FBXL18: variants seen among roughly 807,000 people sequenced by gnomAD.
FBXL18 encodes the protein F-box and leucine rich repeat protein 18, also known as F-box/LRR-repeat protein 18.
FBXL18 carries 36 observed loss-of-function variants against 46.0 expected under a neutral mutation model. The observed-to-expected ratio is 0.78, with a 90% CI of 0.60 to 1.03. The LOEUF (loss-of-function observed/expected upper bound fraction) is 1.03, where lower values mean the gene tolerates loss of function less well. Among genes scored for constraint, FBXL18 ranks in the 50% least tolerant of loss-of-function variants. FBXL18 has a pLI of 0.00. For synonymous variants in FBXL18, 557 were observed against 465.3 expected, an observed-to-expected ratio of 1.20 and a Z score of -2.54; for missense variants, 977 against 1,004.1, an observed-to-expected ratio of 0.97 and a Z score of 0.36.
intron 4 of FBXL18, among the ~76,000 whole-genome samples, chr7:5,490,468 C>T (rs1584216266): frequency 6.6e-6 from 1 of 152,184 alleles, no homozygotes; most frequent in South Asian, 2.1e-4. Flanking sequence ...TGCCCTGTCA[C>T]GAGGGGAAGC....
At chr7:5,465,373 G>T (rs1783326956) in intron 4 of FBXL18, among the ~76,000 whole-genome samples, 1 of 151,888 alleles carries the variant, frequency 6.6e-6, no homozygotes, top group African/African-American at 2.4e-5. Flanking sequence ...GGTAATTTTT[G>T]TATGTTTAGT....
Position 5,500,964 on chromosome 7 carries a change from C to G in FBXL18, c.1305G>C (p.Ala435=), listed in dbSNP as rs779543541. Residue 435 remains alanine, a synonymous_variant, in exon 3 of 5, where the codon GCG becomes GCC. Transcript: ENST00000382368. ...CTGCGTGCATGGCCGGCTGGGCGGG[C>G]GCGCGGTCGGCGCGCGGCGCGGAGT... ...VADSAPRADR[A]PAQPAMHAVP... is the part of the protein sequence containing the mutation. 6.5e-7 allele frequency: 1 copy of G among 1,534,912 alleles called. No homozygotes were observed. The highest frequency in any genetic ancestry group is 2.2e-5 in the Admixed American group (1 of 45,780).
intron 1 of FBXL18, among the ~76,000 whole-genome samples, chr7:5,511,742 TG>T (rs1486744648): frequency 6.7e-6 from 1 of 148,182 alleles, no homozygotes; most frequent in Non-Finnish European, 1.5e-5. Context: ...CACTCCAACC[TG>T]GGCGACAGAG....
At position 5,504,021 on chromosome 7, in the gene FBXL18, C is replaced by G. The variant is rs971403179; in HGVS notation, c.237+1391G>C. On this transcript the variant is annotated intron_variant, in intron 2 of 4. Transcript: ENST00000382368. Reference sequence around the variant, plus strand: ...ACCGAGAGGCACTGGCTAGAGGCGCCGAGCCCTTCCTCTGCAGAGAACAAA... The same window carrying G: ...ACCGAGAGGCACTGGCTAGAGGCGCGGAGCCCTTCCTCTGCAGAGAACAAA... Among the ~76,000 whole-genome samples, 3 of 151,352 alleles carry G rather than the reference C, an allele frequency of 2.0e-5. 1 individual carries two copies. Among genetic ancestry groups the G allele is most frequent in the South Asian group, 4.2e-4 (2 of 4,750 alleles).
Position 5,501,016 on chromosome 7 carries a change from A to T in FBXL18, c.1253T>A (p.Leu418His). Residue 418 changes from leucine (L) to histidine (H), a missense_variant, in exon 3 of 5, where the codon CTC (leucine) becomes CAC (histidine). Leu to His is a moderately conservative substitution (Grantham distance 99). Transcript: ENST00000382368. The stretch of plus-strand genomic sequence containing the variant: ...AGCGACAGAGCAGACAGGCAGGGAG[A>T]GGGAGCGCAGGTGACGCAGCCGGGC... ...LLARLRHLRS[L>H]SLPVCSVADS... is the part of the protein sequence containing the mutation. 2 of 1,597,016 alleles carry T rather than the reference A, an allele frequency of 1.3e-6. No homozygotes were observed. The highest frequency in any genetic ancestry group is 1.7e-6 in the Non-Finnish European group (2 of 1,174,376).
At chr7:5,462,970 ATATATATATATATAT>A (rs1783275902) in intron 4 of FBXL18, among the ~76,000 whole-genome samples, 1 of 13,826 alleles carries the variant, frequency 7.2e-5, no homozygotes, top group African/African-American at 1.8e-4. Context: ...AAAAAAAAAA[ATATATATATATATAT>A]ATATATATAT....
At chr7:5,486,702 C>G (rs183068350) in intron 4 of FBXL18, among the ~76,000 whole-genome samples, 31 of 152,242 alleles carry the variant, frequency 2.0e-4, no homozygotes, top group Non-Finnish European at 3.7e-4. Context: ...GATACCCAGT[C>G]GTGTGTGAAG....
chr7:5,463,728 A>ATTTTTTTTTTTTTTTT lies in FBXL18; in HGVS notation c.2001-15901_2001-15886dup, dbSNP rs552002078. Among the ~76,000 whole-genome samples the ATTTTTTTTTTTTTTTT allele has an allele frequency of 8.9e-4, 47 of 53,012 alleles. 2 individuals carry two copies. The highest frequency in any genetic ancestry group is 1.4e-3 in the Admixed American group (5 of 3,464). The allele number at this position is 53,012 out of a possible 152,430, so 34.8% of individuals were successfully genotyped here. On this transcript the variant is annotated intron_variant and NMD_transcript_variant, in intron 4 of 6. Coordinates refer to the FBXL18 transcript ENST00000415009. Reference sequence around the variant, plus strand: ...TATTTATTTATTTATTTATTTATTTATTTTTTTTTTTTTTTTTTTTTTTTT... The same window carrying ATTTTTTTTTTTTTTTT: ...TATTTATTTATTTATTTATTTATTTATTTTTTTTTTTTTTTTTTTTTTTTTTTTTTTTTTTTTTTTT...
At chr7:5,482,026 C>T in intron 4 of FBXL18, 95 bp from the exon 5 acceptor site, 1 of 1,447,288 alleles carries the variant, frequency 6.9e-7, no homozygotes, top group Non-Finnish European at 9.3e-7. Flanking sequence ...CACCTGCCTC[C>T]CCGTCCCGGG....
chr7:5,463,004 T>TAC lies in FBXL18; in HGVS notation c.2001-15163_2001-15162dup, dbSNP rs1554316071. Reference sequence around the variant, plus strand: ...TATATATATATATATATAATATATATACACACACACATGCATAAATGACCA... The same window carrying TAC: ...TATATATATATATATATAATATATATACACACACACACATGCATAAATGACCA... On this transcript the variant is annotated intron_variant and NMD_transcript_variant, in intron 4 of 6. Transcript: ENST00000415009. Among the ~76,000 whole-genome samples, 366 of 83,760 alleles carry TAC rather than the reference T, an allele frequency of 4.4e-3. 16 individuals carry two copies. The highest frequency in any genetic ancestry group is 0.015 in the Middle Eastern group (2 of 132). The allele number at this position is 83,760 out of a possible 152,430, so 54.9% of individuals were successfully genotyped here. A position where few individuals can be genotyped will look rare whatever the true frequency, so the allele number is the denominator to read the frequency against.
rs1248849931 is a variant in FBXL18 at position 5,505,606 on chromosome 7, T to TGTC, written c.40_42dup (p.Asp14dup). 1 of 1,613,930 alleles carries TGTC rather than the reference T, an allele frequency of 6.2e-7. No homozygotes were observed. The highest frequency in any genetic ancestry group is 8.5e-7 in the Non-Finnish European group (1 of 1,179,936). ...GCCATCCCGGCTGCTGCAGGGTGCATGTCATCATCATCATTGGATATGTCC... is the reference window on the plus strand; with the variant it reads ...GCCATCCCGGCTGCTGCAGGGTGCATGTCGTCATCATCATCATTGGATATGTCC... On this transcript the variant is annotated inframe_insertion, in exon 2 of 5. Transcript: ENST00000382368.
rs1562712337 is a variant in FBXL18 at position 5,513,782 on chromosome 7, CG to C, written c.-109del. The C allele has an allele frequency of 2.8e-6, 4 of 1,447,634 alleles. No individual in the cohort carries two copies. In the Admixed American group the frequency reaches 8.6e-5, roughly 31 times the overall value. 89.7% of individuals were successfully genotyped at this position (1,447,634 alleles called of 1,614,324 possible). ...CGCGTCCACCGCTCAACCGAGACCC[CG>C]GCAAGGAGCGGGCTCTCGTCACTTC... On this transcript the variant is annotated 5_prime_UTR_variant, in exon 1 of 5. Coordinates refer to ENST00000382368, the MANE Select transcript of FBXL18 (RefSeq NM_024963.6).
At chr7:5,456,668 G>T (rs1011191066) in intron 4 of FBXL18, among the ~76,000 whole-genome samples, 1 of 151,668 alleles carries the variant, frequency 6.6e-6, no homozygotes, top group East Asian at 1.9e-4. Flanking sequence ...ATGGAAAGGA[G>T]GCCAGCATGG....
chr7:5,498,942 T>C (rs1181667226), intron 3 of FBXL18, among the ~76,000 whole-genome samples: 2 of 152,204 alleles, frequency 1.3e-5, no homozygotes, highest in African/African-American at 4.8e-5. Context: ...AGTTAACGAA[T>C]TCTTATTCCT....
chr7:5,468,412 C>T (rs1007826402), intron 4 of FBXL18, among the ~76,000 whole-genome samples: 8 of 152,012 alleles, frequency 5.3e-5, no homozygotes, highest in Non-Finnish European at 1.2e-4. Flanking sequence ...CCACCACGCC[C>T]AGCCACCTCA....
chr7:5,469,536 C>T (rs1783395710), intron 4 of FBXL18, among the ~76,000 whole-genome samples: 1 of 151,914 alleles, frequency 6.6e-6, no homozygotes, highest in African/African-American at 2.4e-5. Flanking sequence ...TGTGAGCTAT[C>T]AGTGTGTGGG....
chr7:5,485,832 A>G (rs964667880), intron 4 of FBXL18, among the ~76,000 whole-genome samples: 23 of 151,916 alleles, frequency 1.5e-4, no homozygotes, highest in African/African-American at 5.1e-4. Context: ...TGGGCGGATT[A>G]CCTGAGAGGT....
downstream of FBXL18, among the ~76,000 whole-genome samples, chr7:5,474,994 C>T (rs944901508): frequency 6.8e-6 from 1 of 148,012 alleles, no homozygotes; most frequent in Admixed American, 6.7e-5. Flanking sequence ...AGGCGTGAGC[C>T]ACCGCGCCTG....
Position 5,486,183 on chromosome 7 carries a change from AGAGGTTGCAGTGAACC to A in FBXL18, c.2001-4268_2001-4253del, listed in dbSNP as rs531937314. Among the ~76,000 whole-genome samples the A allele has an allele frequency of 1.8e-4, 27 of 147,350 alleles. No homozygotes were observed. The South Asian group carries it at 5.6e-3, about 30-fold the overall frequency. ...GCAGAATTGCTTGAACCTGGAAGGCAGAGGTTGCAGTGAACCGAGATGGTACCATTGCACTCCAGCC... is the reference window on the plus strand; with the variant it reads ...GCAGAATTGCTTGAACCTGGAAGGCAGAGATGGTACCATTGCACTCCAGCC... On this transcript the variant is annotated intron_variant, in intron 4 of 4. Transcript: ENST00000382368.
Sources: gnomAD v4.1 joint callset for allele counts (sites outside exome capture counted in the v4.1 genomes callset) on GRCh38, gnomAD v4.1.1 for gene constraint, MANE v1.5 for transcripts, NCBI Gene and HGNC (gene_info 2026-07-23, HGNC 2026-07-21) for gene names.